Variants in FBXL13 observed in about 807,000 individuals in gnomAD.
FBXL13 encodes the protein F-box and leucine-rich repeat protein 13.
Under a neutral mutation model 83.6 loss-of-function variants are expected in FBXL13, and 67 were observed. The ratio of observed to expected loss-of-function variants is 0.80; its 90% CI spans 0.66 to 0.98. The LOEUF (loss-of-function observed/expected upper bound fraction) is 0.98, where lower values mean the gene tolerates loss of function less well. FBXL13 is among the 50% of genes least tolerant of loss of function. The pLI, the probability that FBXL13 is intolerant of heterozygous loss-of-function variation, is 0.00. For missense variants in FBXL13, 822 were observed against 866.5 expected, an observed-to-expected ratio of 0.95 and a Z score of 0.64; for synonymous variants, 272 against 299.5, an observed-to-expected ratio of 0.91 and a Z score of 0.95.
chr7:102,812,614 C>T (rs983625865), downstream of FBXL13, among the ~76,000 whole-genome samples: 6 of 152,100 alleles, frequency 3.9e-5, no homozygotes, highest in South Asian at 2.1e-4. Context: ...CCTTAAAAAG[C>T]GTTACAGATC....
At chr7:103,002,605 G>T (rs1356179140) in intron 6 of FBXL13, among the ~76,000 whole-genome samples, 1 of 152,178 alleles carries the variant, frequency 6.6e-6, no homozygotes, top group Admixed American at 6.5e-5. Flanking sequence ...TGGTGTTGAT[G>T]AATTCTTTAA....
chr7:103,046,648 C>T (rs1796313766), intron 2 of FBXL13, among the ~76,000 whole-genome samples: 1 of 152,096 alleles, frequency 6.6e-6, no homozygotes, highest in African/African-American at 2.4e-5. Flanking sequence ...ATAATAGACC[C>T]CCTCATCATT....
intron 6 of FBXL13, 133 bp downstream of exon 7, chr7:103,024,930 G>A (rs1401274544): frequency 1.6e-5 from 5 of 309,098 alleles, no homozygotes; most frequent in South Asian, 7.6e-5. Context: ...GTGTGATCTC[G>A]GCTCACTGCA....
exon 15 of FBXL13, chr7:102,878,445 C>T (rs766422636): frequency 7.6e-6 from 12 of 1,587,610 alleles, no homozygotes; most frequent in Non-Finnish European, 8.5e-6. Context: ...TCCCATATCA[C>T]CAATTCTGTA....
chr7:102,968,443 C>T (rs1377197757), intron 6 of FBXL13, among the ~76,000 whole-genome samples: 13 of 152,160 alleles, frequency 8.5e-5, no homozygotes, highest in Admixed American at 7.9e-4. Flanking sequence ...TGCTAGAAAA[C>T]TAATGATTTC....
chr7:102,916,294 G>C (rs1463346097), intron 10 of FBXL13, among the ~76,000 whole-genome samples: 1 of 152,110 alleles, frequency 6.6e-6, no homozygotes, highest in South Asian at 2.1e-4. Flanking sequence ...GCCGAGATGA[G>C]TTTTTTATAT....
At chr7:103,062,411 T>G (rs981304563) in intron 1 of FBXL13, among the ~76,000 whole-genome samples, 2 of 152,192 alleles carry the variant, frequency 1.3e-5, no homozygotes, top group African/African-American at 4.8e-5. Context: ...CTTAATAATC[T>G]CTTTCAAAAC....
chr7:102,858,932 A>G (rs1362041307), intron 16 of FBXL13, among the ~76,000 whole-genome samples: 3 of 152,240 alleles, frequency 2.0e-5, no homozygotes, highest in Non-Finnish European at 4.4e-5. Context: ...TGGTAGTTCC[A>G]CCACAAACAA....
chr7:103,066,900 C>G (rs1334038750), intron 1 of FBXL13, among the ~76,000 whole-genome samples: 1 of 150,942 alleles, frequency 6.6e-6, no homozygotes, highest in Non-Finnish European at 1.5e-5. Context: ...CAAGAGACTC[C>G]CCTGCCTCAG....
At chr7:103,028,550 T>C (rs765244345) in intron 4 of FBXL13, 50 bp downstream of exon 5, 1 of 1,351,716 alleles carries the variant, frequency 7.4e-7, no homozygotes, top group South Asian at 1.7e-5. Context: ...GTTTTTTTAT[T>C]ATTTCAATAA....
intron 6 of FBXL13, among the ~76,000 whole-genome samples, chr7:102,979,820 C>T (rs1261830531): frequency 6.6e-6 from 1 of 151,970 alleles, no homozygotes. Flanking sequence ...AATTACAAAA[C>T]ATTGCTGTAA....
At chr7:102,903,939 CTTT>C (rs1166655004) in intron 11 of FBXL13, among the ~76,000 whole-genome samples, 4 of 43,454 alleles carry the variant, frequency 9.2e-5, no homozygotes, top group African/African-American at 3.1e-4. Context: ...CTTTTCTTTT[CTTT>C]TTTTTTTTTT....
intron 17 of FBXL13, among the ~76,000 whole-genome samples, chr7:102,840,581 G>A (rs1371840610): frequency 6.6e-6 from 1 of 152,166 alleles, no homozygotes; most frequent in African/African-American, 2.4e-5. Context: ...TTACTGTAAG[G>A]ACAGTCACAG....
At chr7:102,997,642 G>A (rs1789951301) in intron 6 of FBXL13, among the ~76,000 whole-genome samples, 1 of 151,928 alleles carries the variant, frequency 6.6e-6, no homozygotes, top group South Asian at 2.1e-4. Flanking sequence ...CACTTTTTTA[G>A]TTCCCACAAT....
chr7:103,013,790 C>A (rs937630554), intron 6 of FBXL13, among the ~76,000 whole-genome samples: 2 of 151,164 alleles, frequency 1.3e-5, no homozygotes, highest in African/African-American at 2.4e-5. Flanking sequence ...AAGTCAGAGA[C>A]GAACTAAAGG....
At chr7:102,946,602 G>A (rs776166475) in intron 8 of FBXL13, among the ~76,000 whole-genome samples, 59 of 152,140 alleles carry the variant, frequency 3.9e-4, no homozygotes, top group Non-Finnish European at 4.0e-4. Flanking sequence ...AGAACTGCCA[G>A]AGCTAACGCT....
intron 16 of FBXL13, among the ~76,000 whole-genome samples, chr7:102,871,723 A>G (rs983463255): frequency 6.6e-6 from 1 of 152,048 alleles, no homozygotes; most frequent in Non-Finnish European, 1.5e-5. Flanking sequence ...CAAAGCCAGA[A>G]CTTTTAAGTC....
At chr7:102,943,939 G>A (rs1032101578) in intron 8 of FBXL13, among the ~76,000 whole-genome samples, 3 of 152,178 alleles carry the variant, frequency 2.0e-5, no homozygotes, top group African/African-American at 7.2e-5. Context: ...GCTGGGAGAT[G>A]TCCTTGGAAA....
chr7:102,967,842 C>T (rs1418514410), intron 7 of FBXL13, among the ~76,000 whole-genome samples, 180 bp downstream of exon 8: 1 of 152,172 alleles, frequency 6.6e-6, no homozygotes, highest in Non-Finnish European at 1.5e-5. Context: ...CTTAAAATAG[C>T]ATTATTATCT....
Sources: allele counts gnomAD v4.1 joint callset (sites outside exome capture counted in the v4.1 genomes callset), GRCh38; gene constraint gnomAD v4.1.1; transcripts MANE v1.5; gene names NCBI Gene and HGNC (gene_info 2026-07-23, HGNC 2026-07-21).